The following ADGRB2 variants were observed in gnomAD, a reference collection of about 807,000 sequenced individuals.
ADGRB2 encodes the protein adhesion G protein-coupled receptor B2, also known as brain-specific angiogenesis inhibitor 2.
A neutral mutation model predicts 178.7 loss-of-function variants in ADGRB2; 47 were observed. The ratio of observed to expected loss-of-function variants is 0.26; its 90% CI spans 0.21 to 0.34. The LOEUF is 0.34. Ranked by LOEUF, ADGRB2 falls within the 10% of genes least tolerant of loss-of-function variation. ADGRB2 has a pLI of 1.00. For missense variants in ADGRB2, 1,584 were observed against 2,180.8 expected, an observed-to-expected ratio of 0.73 and a Z score of 5.45; for synonymous variants, 870 against 912.4, an observed-to-expected ratio of 0.95 and a Z score of 0.84.
In ADGRB2 at chr1:31,727,727, T is replaced by TCA; in HGVS notation, c.4573-124_4573-123dup. On this transcript the variant is annotated intron_variant, in intron 32 of 32. Coordinates refer to ENST00000373658, the MANE Select transcript of ADGRB2 (RefSeq NM_001364857.2). The surrounding 1 kb of genome is among the most constrained non-coding windows in gnomAD (Gnocchi z 4.4). ...CCCAAAGTTATGGAGCAATCAGGTG[T>TCA]CAAGCAGAATTCAAATACAGACCTG... The TCA allele has an allele frequency of 1.8e-6, 2 of 1,130,146 alleles. No homozygotes were observed. The highest frequency in any genetic ancestry group is 2.4e-6 in the Non-Finnish European group (2 of 828,350). 70.0% of individuals were successfully genotyped at this position (1,130,146 alleles called of 1,614,324 possible). A position where few individuals can be genotyped will look rare whatever the true frequency, so the allele number is the denominator to read the frequency against.
Position 31,728,308 on chromosome 1 carries a change from G to T in ADGRB2, c.4417-28C>A. On this transcript the variant is annotated intron_variant, in intron 30 of 32. Transcript: ENST00000373658. The surrounding 1 kb of genome is among the most constrained non-coding windows in gnomAD (Gnocchi z 6.7). ...AGGGGCCACAGGGCATCAGAGGGTC[G>T]CTCCCCGGGGCAGCACCATGATCCC... 6.2e-7 allele frequency: 1 copy of T among 1,602,888 alleles called. No individual in the cohort carries two copies.
rs920421292 is a variant in ADGRB2 at position 31,742,908 on chromosome 1, G to C, written c.1182C>G (p.Pro394=). 4 of 1,542,140 alleles carry C rather than the reference G, an allele frequency of 2.6e-6. No homozygotes were observed. Among genetic ancestry groups the C allele is most frequent in the East Asian group, 5.0e-5 (2 of 40,352 alleles). ...SRSRMRTCVP[P]QHGGKACEGP... ...CCTCGCAGGCCTTGCCGCCGTGCTG[G>C]GGGGGCACGCAGGTCCGCATCCGGC... The change falls in exon 7 of 33, where the codon CCC becomes CCG. Residue 394 remains proline (P), a synonymous_variant. Coordinates refer to ENST00000373658, the MANE Select transcript of ADGRB2 (RefSeq NM_001364857.2).
intron 7 of ADGRB2, 65 bp from the exon 8 acceptor site, chr1:31,742,282 G>A: frequency 1.3e-6 from 2 of 1,528,624 alleles, no homozygotes; most frequent in Non-Finnish European, 1.8e-6. Context: ...GTGGTGTGGA[G>A]AACCACAGGA....
At position 31,743,023 on chromosome 1, in the gene ADGRB2, G is replaced by C; in HGVS notation, c.1088-21C>G. On this transcript the variant is annotated intron_variant, in intron 6 of 32. Coordinates refer to ENST00000373658, the MANE Select transcript of ADGRB2 (RefSeq NM_001364857.2). ...GTGCACTGCAAGGAAGCACGTGGCC[G>C]GTGGCTGGGCGGCACCATGGCCCCG... 2.1e-6 allele frequency: 3 copies of C among 1,403,778 alleles called. 1 individual carries two copies. Among genetic ancestry groups the C allele is most frequent in the Non-Finnish European group, 2.8e-6 (3 of 1,073,962 alleles). The allele number at this position is 1,403,778 out of a possible 1,614,324, so 87.0% of individuals were successfully genotyped here. A position where few individuals can be genotyped will look rare whatever the true frequency, so the allele number is the denominator to read the frequency against.
intron 29 of ADGRB2, among the ~76,000 whole-genome samples, chr1:31,729,666 G>A (rs779335426): frequency 6.6e-6 from 1 of 152,166 alleles, no homozygotes; most frequent in East Asian, 1.9e-4. Flanking sequence ...CGCCCATCAC[G>A]GTTGCCCACG....
Position 31,735,340 on chromosome 1 carries a change from G to A in ADGRB2, c.3354-59C>T, listed in dbSNP as rs1186013988. The A allele has an allele frequency of 2.2e-6, 3 of 1,357,648 alleles. No individual in the cohort carries two copies. Among genetic ancestry groups the A allele is most frequent in the Admixed American group, 2.0e-5 (1 of 49,320 alleles). 84.1% of individuals were successfully genotyped at this position (1,357,648 alleles called of 1,614,324 possible). A position where few individuals can be genotyped will look rare whatever the true frequency, so the allele number is the denominator to read the frequency against. On this transcript the variant is annotated intron_variant, in intron 24 of 32. Coordinates refer to ENST00000373658, the MANE Select transcript of ADGRB2 (RefSeq NM_001364857.2). The surrounding 1 kb of genome is among the most constrained non-coding windows in gnomAD (Gnocchi z 6.0). ...GAAACACATGGGAAGCCGGGAGATG[G>A]GGCAGAATGAGCCCCGAGTGGGGTG...
In ADGRB2 at chr1:31,733,850, C is replaced by G. The variant is rs1303139931; in HGVS notation, c.3453-707G>C. On this transcript the variant is annotated intron_variant, in intron 25 of 32. Transcript: ENST00000373658. The surrounding 1 kb of genome is among the most constrained non-coding windows in gnomAD (Gnocchi z 4.3). Reference sequence around the variant, plus strand: ...AGGGCAGAAAAAAAGCAGATGGGGCCTGGCATCCAAGCCATTCCCACCCCT... The same window carrying G: ...AGGGCAGAAAAAAAGCAGATGGGGCGTGGCATCCAAGCCATTCCCACCCCT... Among the ~76,000 whole-genome samples, 1 of 152,188 alleles carries G rather than the reference C, an allele frequency of 6.6e-6. No homozygotes were observed. Among genetic ancestry groups the G allele is most frequent in the African/African-American group, 2.4e-5 (1 of 41,444 alleles).
chr1:31,736,770 G>T (rs749260111), intron 20 of ADGRB2, 47 bp from the exon 21 acceptor site: 4 of 1,583,606 alleles, frequency 2.5e-6, no homozygotes, highest in Non-Finnish European at 2.6e-6. Context: ...CAGCCGCCAG[G>T]GCAGGAGGCG....
chr1:31,741,391 G>A lies in ADGRB2; in HGVS notation c.1776C>T (p.Tyr592=). The change falls in exon 11 of 33, where the codon TAC becomes TAT. Residue 592 remains tyrosine, a synonymous_variant. Transcript: ENST00000373658. This position sits in a 1 kb window ranked among gnomAD's most constrained non-coding sequence, Gnocchi z 6.5. ...PSFARCISHE[Y]RYLYLSLREH... ...CACTCACTGACAGATACAGGTAGCG[G>A]TACTCATGGGAGATGCAGCGAGCAA... 1 of 1,604,782 alleles carries A rather than the reference G, an allele frequency of 6.2e-7. No individual in the cohort carries two copies. The highest frequency in any genetic ancestry group is 2.2e-5 in the East Asian group (1 of 44,590).
chr1:31,732,631 T>C lies in ADGRB2; in HGVS notation c.3625-19A>G. On this transcript the variant is annotated intron_variant, in intron 26 of 32. Transcript: ENST00000373658. ...CCTGGACCTGGGGACAGAGGGCGCCTGCTGGGCCTGAGGCCACTGCAGGGC... is the reference window on the plus strand; with the variant it reads ...CCTGGACCTGGGGACAGAGGGCGCCCGCTGGGCCTGAGGCCACTGCAGGGC... 1.2e-6 allele frequency: 2 copies of C among 1,612,224 alleles called. No homozygotes were observed. The highest frequency in any genetic ancestry group is 1.7e-6 in the Non-Finnish European group (2 of 1,179,196).
chr1:31,762,868 G>A (rs905650624), intron 1 of ADGRB2, among the ~76,000 whole-genome samples: 1 of 152,180 alleles, frequency 6.6e-6, no homozygotes, highest in Admixed American at 6.5e-5. Flanking sequence ...GGCGAGGCGG[G>A]CAGGCAGGCG....
chr1:31,757,159 C>T, intron 3 of ADGRB2, 42 bp downstream of exon 3: 1 of 1,614,160 alleles, frequency 6.2e-7, no homozygotes, highest in Non-Finnish European at 8.5e-7. Flanking sequence ...CCATCAACTA[C>T]AAGCATATTC....
Position 31,738,352 on chromosome 1 carries a change from G to GCCCCAGGCCAGCTACGTGGCCCTGC in ADGRB2, c.2646-51_2646-27dup, listed in dbSNP as rs374249067. On this transcript the variant is annotated intron_variant, in intron 17 of 32. Transcript: ENST00000373658. Reference sequence around the variant, plus strand: ...CTTGGGTAGGGGAGAGATTCAGTGAGCCCCAGGCCAGCTACGTGGCCCTGC... The same window carrying GCCCCAGGCCAGCTACGTGGCCCTGC: ...CTTGGGTAGGGGAGAGATTCAGTGAGCCCCAGGCCAGCTACGTGGCCCTGCCCCCAGGCCAGCTACGTGGCCCTGC... 4,172 of 1,612,934 alleles carry GCCCCAGGCCAGCTACGTGGCCCTGC rather than the reference G, an allele frequency of 2.6e-3. 91 individuals are homozygous for GCCCCAGGCCAGCTACGTGGCCCTGC. In the African/African-American group the frequency reaches 0.047, roughly 18 times the overall value.
chr1:31,728,549 A>G lies in ADGRB2; in HGVS notation c.4416+49T>C, dbSNP rs79152195. The G allele has an allele frequency of 1.2e-6, 2 of 1,612,730 alleles. No homozygotes were observed. Among genetic ancestry groups the G allele is most frequent in the East Asian group, 2.2e-5 (1 of 44,874 alleles). On this transcript the variant is annotated intron_variant, in intron 30 of 32. Transcript: ENST00000373658. The surrounding 1 kb of genome is among the most constrained non-coding windows in gnomAD (Gnocchi z 6.7). The stretch of plus-strand genomic sequence containing the variant: ...TTTTAGGAGTGAGCCCTCCAGGGAC[A>G]GACACCACAGCCAGATGTCCCACCG...
rs773384974 is a variant in ADGRB2, at chr1:31,739,426, G to A, written c.2377C>T (p.Pro793Ser). 52 of 1,577,248 alleles carry A rather than the reference G, an allele frequency of 3.3e-5. No individual in the cohort carries two copies. In the East Asian group the frequency reaches 1.1e-3, roughly 35 times the overall value. Residue 793 changes from proline (P) to serine (S), a missense_variant, in exon 15 of 33, where the codon CCT becomes TCT. Coordinates refer to ENST00000373658, the MANE Select transcript of ADGRB2 (RefSeq NM_001364857.2). ...TGGTGGGAGTGGCCTGGGCCAGGAGGCACCGTTCCTGGGCCCCTCCCCCTG... is the reference window on the plus strand; with the variant it reads ...TGGTGGGAGTGGCCTGGGCCAGGAGACACCGTTCCTGGGCCCCTCCCCCTG... ...PGRGRGPGTVPPGPGHSHQRL... is the reference protein window; with the variant it reads ...PGRGRGPGTVSPGPGHSHQRL...
At chr1:31,757,738 G>A (rs1198170880) in intron 1 of ADGRB2, among the ~76,000 whole-genome samples, 2 of 152,120 alleles carry the variant, frequency 1.3e-5, no homozygotes, top group African/African-American at 4.8e-5. Flanking sequence ...ACCCACCTGT[G>A]AAGCCACCAG....
At chr1:31,757,164 A>AT in intron 3 of ADGRB2, 37 bp downstream of exon 3, 2 of 1,614,154 alleles carry the variant, frequency 1.2e-6, no homozygotes, top group Non-Finnish European at 1.7e-6. Context: ...AACTACAAGC[A>AT]TATTCGCCTT....
In ADGRB2 at chr1:31,757,482, G is replaced by T. The variant is rs1285990432; in HGVS notation, c.-161C>A. The T allele has an allele frequency of 1.9e-6, 1 of 538,816 alleles. No individual in the cohort carries two copies. Among genetic ancestry groups the T allele is most frequent in the Non-Finnish European group, 3.3e-6 (1 of 299,016 alleles). The allele number at this position is 538,816 out of a possible 1,614,324, so 33.4% of individuals were successfully genotyped here. On this transcript the variant is annotated 5_prime_UTR_variant, in exon 2 of 33. Coordinates refer to ENST00000373658, the MANE Select transcript of ADGRB2 (RefSeq NM_001364857.2). ...CCCACAGGAGGGCACTGTCAGTGTG[G>T]ACGTCACATGTATCACTGCTGTGGA...
In ADGRB2 at chr1:31,728,211, C is replaced by G. The variant is rs772348583; in HGVS notation, c.4486G>C (p.Asp1496His). ...HELNQKFHTF[D>H]RYRSQSTAKR... ...GCCGTGGACTGGCTGCGGTAGCGGT[C>G]GAAAGTGTGGAACTTCTGGTTGAGC... The change falls in exon 31 of 33, where the codon GAC (aspartate) becomes CAC (histidine). Residue 1496 changes from aspartate to histidine, a missense_variant. This residue lies in a region of ADGRB2 where 865 missense variants were observed against 1,192.8 expected (regional missense o/e 0.73). Transcript: ENST00000373658. This position sits in a 1 kb window ranked among gnomAD's most constrained non-coding sequence, Gnocchi z 6.7. 6 of 1,614,170 alleles carry G rather than the reference C, an allele frequency of 3.7e-6. No homozygotes were observed. Among genetic ancestry groups the G allele is most frequent in the Non-Finnish European group, 5.1e-6 (6 of 1,180,018 alleles).
Sources: allele counts gnomAD v4.1 joint callset (sites outside exome capture counted in the v4.1 genomes callset), GRCh38; gene constraint gnomAD v4.1.1; regional missense constraint gnomAD v4.1.1; non-coding constraint Gnocchi (gnomAD v3.1); transcripts MANE v1.5; gene names NCBI Gene and HGNC (gene_info 2026-07-23, HGNC 2026-07-21).